The following MTERF4 variants were observed in gnomAD, a reference collection of about 807,000 sequenced individuals.
MTERF4 encodes mitochondrial transcription termination factor 4.
Under a neutral mutation model 22.5 loss-of-function variants are expected in MTERF4, and 17 were observed. That is an observed-to-expected ratio of 0.75 (90% CI 0.52 to 1.13). The LOEUF is 1.13. Among genes scored for constraint, MTERF4 ranks in the 50% most tolerant of loss-of-function variants. The probability of loss-of-function intolerance (pLI) is 0.00; values close to 1 mark genes in which losing one functional copy is unlikely to be tolerated. For synonymous variants in MTERF4, 165 were observed against 175.3 expected (o/e 0.94, Z 0.47); for missense variants, 420 against 466.8 (o/e 0.90, Z 0.92).
downstream of MTERF4, among the ~76,000 whole-genome samples, chr2:241,069,399 G>A (rs2062602311): frequency 6.6e-6 from 1 of 152,148 alleles, no homozygotes; most frequent in South Asian, 2.1e-4. The surrounding 1 kb of genome is among the most constrained non-coding windows in gnomAD (Gnocchi z 4.9). Context: ...GGTGTCACTA[G>A]GCCCACACCC....
At chr2:241,052,978 G>A in the MTERF4 span, among the ~76,000 whole-genome samples, 2 of 152,160 alleles carry the variant, frequency 1.3e-5, no homozygotes, top group Non-Finnish European at 2.9e-5. Flanking sequence ...GGAATGGGAA[G>A]AAGGAAACGT....
At chr2:241,044,961 A>T in the MTERF4 span, among the ~76,000 whole-genome samples, 2 of 152,230 alleles carry the variant, frequency 1.3e-5, no homozygotes, top group African/African-American at 4.8e-5. Context: ...GAATCTTGGG[A>T]CAGCAACTCC....
At chr2:241,070,238 T>C (rs2062640472), downstream of MTERF4, 7 of 1,562,778 alleles carry the variant, frequency 4.5e-6, no homozygotes, top group Non-Finnish European at 6.0e-6. Flanking sequence ...GCGGGGCCAG[T>C]GTTTGCCAGC....
At chr2:241,063,311 C>T in the MTERF4 span, 7 of 519,788 alleles carry the variant, frequency 1.3e-5, no homozygotes, top group South Asian at 4.1e-5. Flanking sequence ...CCCAGGGAGC[C>T]GTGCCCAGTC....
chr2:241,068,160 C>T (rs192856711), downstream of MTERF4, among the ~76,000 whole-genome samples: 18 of 152,286 alleles, frequency 1.2e-4, no homozygotes, highest in African/African-American at 3.9e-4. This position sits in a 1 kb window ranked among gnomAD's most constrained non-coding sequence, Gnocchi z 5.3. Flanking sequence ...AGAGAGGATA[C>T]ACCTTGGTAG....
At chr2:241,062,758 A>G in the MTERF4 span, 1 of 1,470,540 alleles carries the variant, frequency 6.8e-7, no homozygotes, top group Non-Finnish European at 9.4e-7. Flanking sequence ...AATCGTGGCC[A>G]CATTGCTTTA....
At chr2:241,071,627 G>C, downstream of MTERF4, 1 of 1,586,270 alleles carries the variant, frequency 6.3e-7, no homozygotes, top group Non-Finnish European at 8.5e-7. Flanking sequence ...CACCACCCTC[G>C]GGTGCTCAAG....
the MTERF4 span, among the ~76,000 whole-genome samples, chr2:241,053,500 GTGATGA>G: frequency 6.6e-6 from 1 of 152,240 alleles, no homozygotes; most frequent in Non-Finnish European, 1.5e-5. Context: ...GGTGACAGTG[GTGATGA>G]TCACAGTCAA....
At chr2:241,062,960 C>G in the MTERF4 span, 3 of 1,147,316 alleles carry the variant, frequency 2.6e-6, no homozygotes, top group Non-Finnish European at 3.7e-6. Flanking sequence ...GGCCATGTGC[C>G]TGAGGCACTG....
downstream of MTERF4, chr2:241,071,638 A>T: frequency 6.3e-7 from 1 of 1,583,708 alleles, no homozygotes; most frequent in Non-Finnish European, 8.5e-7. Context: ...GGTGCTCAAG[A>T]ACAGACCGCC....
At chr2:241,046,142 TA>T in the MTERF4 span, among the ~76,000 whole-genome samples, 1 of 151,984 alleles carries the variant, frequency 6.6e-6, no homozygotes, top group African/African-American at 2.4e-5. Flanking sequence ...TTAGAATGCC[TA>T]AAAAAAATAA....
intron 4 of MTERF4, among the ~76,000 whole-genome samples, chr2:241,077,475 G>A (rs949673551): frequency 3.3e-5 from 5 of 152,174 alleles, no homozygotes; most frequent in African/African-American, 1.2e-4. Flanking sequence ...TCAAGGAAGT[G>A]ACATGACAAC....
downstream of MTERF4, chr2:241,067,743 T>G: frequency 6.3e-7 from 1 of 1,586,440 alleles, no homozygotes; most frequent in Admixed American, 1.7e-5. Context: ...CGGCACCTGC[T>G]GAACAGTCCA....
At position 241,099,773 on chromosome 2, in the gene MTERF4, T is replaced by C. The variant is rs1382860046; in HGVS notation, c.143A>G (p.Asn48Ser). 8 of 1,614,012 alleles carry C rather than the reference T, an allele frequency of 5.0e-6. No individual in the cohort carries two copies. The African/African-American group carries it at 6.7e-5, about 13-fold the overall frequency. ...SLLRKLTTAS[N>S]GGVIEELSCV... ...AGATAACTCCTCAATGACCCCTCCA[T>C]TGGAGGCTGTAGTCAGTTTGCGCAA... The change falls in exon 2 of 4, where the codon AAT becomes AGT. Residue 48 changes from asparagine (N) to serine (S), a missense_variant. Physicochemically the swap from Asn to Ser is conservative, Grantham distance 46. Coordinates refer to ENST00000391980, the MANE Select transcript of MTERF4 (RefSeq NM_182501.4).
intron 4 of MTERF4, among the ~76,000 whole-genome samples, chr2:241,081,108 C>T (rs2302042): frequency 0.18 from 27,286 of 152,204 alleles, 2,634 homozygotes; most frequent in Middle Eastern, 0.28. Context: ...CATCACAGGC[C>T]GCCTGGGCTG....
At chr2:241,090,868 C>CAAAA (rs371271027), downstream of MTERF4, among the ~76,000 whole-genome samples, 3 of 100,796 alleles carry the variant, frequency 3.0e-5, no homozygotes, top group African/African-American at 7.6e-5. Context: ...CCCTCTGTCT[C>CAAAA]AAAAAAAAAA....
chr2:241,065,710 A>T, the MTERF4 span: 11 of 891,628 alleles, frequency 1.2e-5, no homozygotes, highest in Non-Finnish European at 1.9e-5. Flanking sequence ...TTCTTGCAGC[A>T]GCAAGACAGA....
At chr2:241,067,841 A>T, downstream of MTERF4, 3 of 1,613,394 alleles carry the variant, frequency 1.9e-6, no homozygotes, top group Non-Finnish European at 2.5e-6. Context: ...CCTGCACAGG[A>T]TCCGCCATGC....
At chr2:241,089,931 G>A (rs1456926721), downstream of MTERF4, 16 of 1,538,212 alleles carry the variant, frequency 1.0e-5, no homozygotes, top group East Asian at 9.8e-5. Context: ...GTATCTAAAC[G>A]TAGAAAACCT....
Sources: allele counts gnomAD v4.1 joint callset (sites outside exome capture counted in the v4.1 genomes callset), GRCh38; gene constraint gnomAD v4.1.1; non-coding constraint Gnocchi (gnomAD v3.1); transcripts MANE v1.5; gene names NCBI Gene and HGNC (gene_info 2026-07-23, HGNC 2026-07-21).